DNAJC1: variants seen among roughly 807,000 people sequenced by gnomAD.
DNAJC1 encodes dnaJ homolog subfamily C member 1.
In DNAJC1, 58 loss-of-function variants were observed where a neutral mutation model predicts 76.6. The ratio of observed to expected loss-of-function variants is 0.76; its 90% CI spans 0.61 to 0.94. The LOEUF is 0.94. DNAJC1 is among the 40% of genes least tolerant of loss of function. DNAJC1 has a pLI of 0.00. For missense variants in DNAJC1, 689 were observed against 677.3 expected (o/e 1.02, Z -0.19); for synonymous variants, 258 against 267.9 (o/e 0.96, Z 0.36).
intron 8 of DNAJC1, among the ~76,000 whole-genome samples, chr10:21,843,547 C>A (rs1835606153): frequency 6.6e-6 from 1 of 151,896 alleles, no homozygotes; most frequent in African/African-American, 2.4e-5. Flanking sequence ...GCACGTGCCA[C>A]CATGCCCAGC....
In DNAJC1 at chr10:21,835,775, A is replaced by G. The variant is rs565130515; in HGVS notation, c.979-29676T>C. 8.7e-4 allele frequency among the ~76,000 whole-genome samples: 133 copies of G among 152,314 alleles called. No individual in the cohort carries two copies. The Middle Eastern group carries it at 0.034, about 39-fold the overall frequency. On this transcript the variant is annotated intron_variant, in intron 8 of 11. Coordinates refer to ENST00000376980, the MANE Select transcript of DNAJC1 (RefSeq NM_022365.4). ...ATGAAGCGAGAAGAGAAGTTTACAT[A>G]AAAAAGAATGAAAAGAAACGAACAA...
intron 8 of DNAJC1, among the ~76,000 whole-genome samples, chr10:21,854,632 A>G (rs970468359): frequency 2.0e-5 from 3 of 152,164 alleles, no homozygotes; most frequent in African/African-American, 7.2e-5. Context: ...AAGAAGTAGC[A>G]TATCAGTTGT....
intron 7 of DNAJC1, among the ~76,000 whole-genome samples, chr10:21,883,037 G>A (rs1035047296): frequency 6.6e-6 from 1 of 152,052 alleles, no homozygotes; most frequent in Admixed American, 6.6e-5. Flanking sequence ...ATCACTGGAG[G>A]CCAGGAGTTC....
intron 8 of DNAJC1, among the ~76,000 whole-genome samples, chr10:21,867,290 C>A (rs1193977971): frequency 1.3e-5 from 2 of 151,994 alleles, no homozygotes; most frequent in Non-Finnish European, 2.9e-5. Flanking sequence ...ATACAAATAT[C>A]CAATATTAGG....
chr10:21,996,980 T>C (rs1283672022), intron 1 of DNAJC1, among the ~76,000 whole-genome samples: 1 of 152,174 alleles, frequency 6.6e-6, no homozygotes, highest in African/African-American at 2.4e-5. Context: ...CTAGATTCTG[T>C]GTATCTCTTT....
chr10:21,887,944 G>A (rs754138822), intron 7 of DNAJC1, among the ~76,000 whole-genome samples: 17 of 152,102 alleles, frequency 1.1e-4, no homozygotes, highest in Non-Finnish European at 2.4e-4. Flanking sequence ...AGAGTAAAAA[G>A]ACAACCTACA....
At chr10:21,923,882 A>G (rs1348580447) in intron 3 of DNAJC1, among the ~76,000 whole-genome samples, 1 of 152,004 alleles carries the variant, frequency 6.6e-6, no homozygotes, top group Non-Finnish European at 1.5e-5. Flanking sequence ...GAAATTTAAA[A>G]CGTTACAATT....
intron 1 of DNAJC1, among the ~76,000 whole-genome samples, chr10:21,955,027 T>C (rs1189673951): frequency 2.0e-5 from 3 of 152,134 alleles, no homozygotes; most frequent in Admixed American, 6.5e-5. Context: ...CTGTGCATTA[T>C]AGGATGTTTG....
In DNAJC1 at chr10:21,882,399, T is replaced by C. The variant is rs772128185; in HGVS notation, c.861A>G (p.Val287=). Residue 287 remains valine, a synonymous_variant, in exon 8 of 12, where the codon GTA becomes GTG. Transcript: ENST00000376980. ...KVKKPKPEFP[V]YTPLETTYIQ... Reference sequence around the variant, plus strand: ...TATATGTAGTTTCTAAAGGTGTGTATACAGGAAATTCAGGTTTTGGTTTTT... The same window carrying C: ...TATATGTAGTTTCTAAAGGTGTGTACACAGGAAATTCAGGTTTTGGTTTTT... 13 of 1,537,772 alleles carry C rather than the reference T, an allele frequency of 8.5e-6. 1 individual carries two copies. In the South Asian group the frequency reaches 1.6e-4, roughly 18 times the overall value.
intron 7 of DNAJC1, among the ~76,000 whole-genome samples, chr10:21,892,881 T>C (rs1836481554): frequency 6.6e-6 from 1 of 151,886 alleles, no homozygotes; most frequent in Non-Finnish European, 1.5e-5. Flanking sequence ...CTGCAAAACA[T>C]GTGAAACAAA....
intron 8 of DNAJC1, among the ~76,000 whole-genome samples, chr10:21,845,274 A>G (rs938000037): frequency 1.3e-4 from 20 of 151,908 alleles, no homozygotes; most frequent in African/African-American, 3.6e-4. Context: ...GCTGGAGGGG[A>G]AAAAAAGTCA....
At chr10:21,956,853 C>A (rs899280114) in intron 1 of DNAJC1, among the ~76,000 whole-genome samples, 1 of 136,244 alleles carries the variant, frequency 7.3e-6, no homozygotes, top group African/African-American at 2.8e-5. Context: ...CACACACACA[C>A]AAGTAGGTGT....
chr10:21,905,531 A>C (rs1177709185), intron 6 of DNAJC1, among the ~76,000 whole-genome samples: 1 of 152,076 alleles, frequency 6.6e-6, no homozygotes, highest in African/African-American at 2.4e-5. Flanking sequence ...AATCCCTGAA[A>C]ACCCATTCAA....
At chr10:21,932,927 A>C (rs963437270) in intron 1 of DNAJC1, among the ~76,000 whole-genome samples, 4 of 152,152 alleles carry the variant, frequency 2.6e-5, no homozygotes, top group African/African-American at 9.7e-5. Flanking sequence ...GCCAGTGCTG[A>C]ATGGGGTAAG....
chr10:21,781,905 A>G (rs1402634466), intron 9 of DNAJC1, among the ~76,000 whole-genome samples: 8 of 152,162 alleles, frequency 5.3e-5, no homozygotes, highest in Non-Finnish European at 1.2e-4. Context: ...AGCAGTGAGT[A>G]GAGGGAAATT....
At chr10:21,801,104 C>T (rs1031000028) in intron 9 of DNAJC1, among the ~76,000 whole-genome samples, 7 of 152,090 alleles carry the variant, frequency 4.6e-5, no homozygotes, top group African/African-American at 1.4e-4. Flanking sequence ...ATCTACTTCA[C>T]TGTGTCATTA....
In DNAJC1 at chr10:21,922,252, T is replaced by C. The variant is rs552898714; in HGVS notation, c.372-1289A>G. Among the ~76,000 whole-genome samples the C allele has an allele frequency of 2.5e-4, 38 of 152,114 alleles. 2 individuals carry two copies. In the East Asian group the frequency reaches 7.1e-3, roughly 29 times the overall value. On this transcript the variant is annotated intron_variant, in intron 3 of 11. Transcript: ENST00000376980. ...TTATTAAATTGATACCTTGGAGATA[T>C]GCTAAAAAAATAAAGCAGAGGATTT...
intron 6 of DNAJC1, among the ~76,000 whole-genome samples, chr10:21,916,591 T>C (rs1836960027): frequency 6.6e-6 from 1 of 152,232 alleles, no homozygotes; most frequent in African/African-American, 2.4e-5. Flanking sequence ...TCATTTTTTA[T>C]TCTTAGAGCC....
At chr10:21,947,932 AT>A (rs1467240266) in intron 1 of DNAJC1, among the ~76,000 whole-genome samples, 2 of 152,184 alleles carry the variant, frequency 1.3e-5, no homozygotes, top group Non-Finnish European at 2.9e-5. Flanking sequence ...TAGTCAAATT[AT>A]TTCTAATAAT....
Sources: gnomAD v4.1 joint callset for allele counts (sites outside exome capture counted in the v4.1 genomes callset) on GRCh38, gnomAD v4.1.1 for gene constraint, MANE v1.5 for transcripts, NCBI Gene and HGNC (gene_info 2026-07-23, HGNC 2026-07-21) for gene names.